Variants in GRAMD1B observed in about 807,000 individuals in gnomAD.
GRAMD1B encodes GRAM domain containing 1B.
In GRAMD1B, 37 loss-of-function variants were observed where a neutral mutation model predicts 99.7. The observed-to-expected ratio is 0.37, with a 90% CI of 0.29 to 0.49. GRAMD1B has a LOEUF of 0.49. Among genes scored for constraint, GRAMD1B ranks in the 20% least tolerant of loss-of-function variants. GRAMD1B has a pLI of 0.98. For missense variants in GRAMD1B, 888 were observed against 1,009.2 expected, an observed-to-expected ratio of 0.88 and a Z score of 1.63; for synonymous variants, 427 against 387.6, an observed-to-expected ratio of 1.10 and a Z score of -1.19.
At chr11:123,528,651 T>G (rs907937856) in intron 2 of GRAMD1B, among the ~76,000 whole-genome samples, 3 of 152,170 alleles carry the variant, frequency 2.0e-5, no homozygotes, top group Non-Finnish European at 4.4e-5. Context: ...TCTTCTCTAG[T>G]ATAATTTCCG....
chr11:123,492,792 G>A lies in GRAMD1B; in HGVS notation c.452+11899G>A, dbSNP rs1478873675. Among the ~76,000 whole-genome samples the A allele has an allele frequency of 6.6e-6, 1 of 151,632 alleles. No individual in the cohort carries two copies. Among genetic ancestry groups the A allele is most frequent in the Non-Finnish European group, 1.5e-5 (1 of 67,960 alleles). ...AAGAGGGGCCAAATGGATTTCAGAG[G>A]TAGGGAGAGGCTAGAGGCAGTAGGT... is the stretch of plus-strand genomic sequence containing the variant. On this transcript the variant is annotated intron_variant, in intron 2 of 19. Transcript: ENST00000635736. The surrounding 1 kb of genome is among the most constrained non-coding windows in gnomAD (Gnocchi z 4.2).
At chr11:123,530,158 C>T (rs1314054698) in intron 2 of GRAMD1B, among the ~76,000 whole-genome samples, 1 of 151,538 alleles carries the variant, frequency 6.6e-6, no homozygotes, top group Admixed American at 6.6e-5. Context: ...CACTGTGTGA[C>T]AGAACCTACT....
chr11:123,453,173 T>TA (rs1316923794), intron 1 of GRAMD1B, among the ~76,000 whole-genome samples: 2 of 152,082 alleles, frequency 1.3e-5, no homozygotes, highest in African/African-American at 4.8e-5. Context: ...AGTGTGCAAA[T>TA]AACTCCAAAC....
intron 3 of GRAMD1B, among the ~76,000 whole-genome samples, chr11:123,580,496 T>C (rs1456375922): frequency 6.6e-6 from 1 of 152,198 alleles, no homozygotes; most frequent in African/African-American, 2.4e-5. Flanking sequence ...AGCTGGCCAG[T>C]GCCTCTGCTT....
At chr11:123,463,462 A>C (rs1950530015) in intron 1 of GRAMD1B, among the ~76,000 whole-genome samples, 2 of 152,250 alleles carry the variant, frequency 1.3e-5, no homozygotes, top group African/African-American at 4.8e-5. Flanking sequence ...TATTAAATAC[A>C]ACATATTAGT....
rs935450358 is a variant in GRAMD1B at position 123,474,787 on chromosome 11, C to T, written c.375-6029C>T. On this transcript the variant is annotated intron_variant, in intron 1 of 19. Coordinates refer to ENST00000635736, the MANE Select transcript of GRAMD1B (RefSeq NM_001387025.1). Reference sequence around the variant, plus strand: ...AGAGCCTTTTGCAGCTTCTAATTAGCATGAGATAATTGATACTAACAGGAG... The same window carrying T: ...AGAGCCTTTTGCAGCTTCTAATTAGTATGAGATAATTGATACTAACAGGAG... Among the ~76,000 whole-genome samples, 3 of 152,250 alleles carry T rather than the reference C, an allele frequency of 2.0e-5. No homozygotes were observed. In the East Asian group the frequency reaches 5.8e-4, roughly 29 times the overall value.
intron 1 of GRAMD1B, among the ~76,000 whole-genome samples, chr11:123,471,130 A>G (rs1173285997): frequency 6.6e-6 from 1 of 152,212 alleles, no homozygotes; most frequent in Non-Finnish European, 1.5e-5. Flanking sequence ...TCACAAAGAG[A>G]TGAATTGCAG....
At chr11:123,463,292 C>A (rs1555126180) in intron 1 of GRAMD1B, among the ~76,000 whole-genome samples, 1 of 152,238 alleles carries the variant, frequency 6.6e-6, no homozygotes, top group Non-Finnish European at 1.5e-5. Flanking sequence ...GGATTACAGG[C>A]ATGAGCCACC....
intron 4 of GRAMD1B, among the ~76,000 whole-genome samples, chr11:123,589,925 G>A (rs1433921994): frequency 6.6e-6 from 1 of 152,090 alleles, no homozygotes; most frequent in Non-Finnish European, 1.5e-5. Flanking sequence ...GGAGAGTGAG[G>A]GAGCAGCCCC....
chr11:123,606,604 T>A lies in GRAMD1B; in HGVS notation c.1324-5T>A. On this transcript the variant is annotated splice_polypyrimidine_tract_variant and splice_region_variant and intron_variant, in intron 10 of 19. Coordinates refer to ENST00000635736, the MANE Select transcript of GRAMD1B (RefSeq NM_001387025.1). ...TGGTGGGTGACTCCTCTGTCTTGGC[T>A]CCAGTTTGATGGGCTGCCCCTGGAG... 1 of 1,607,178 alleles carries A rather than the reference T, an allele frequency of 6.2e-7. No individual in the cohort carries two copies. Among genetic ancestry groups the A allele is most frequent in the South Asian group, 1.1e-5 (1 of 89,208 alleles).
chr11:123,618,390 A>C, intron 17 of GRAMD1B: 1 of 1,599,014 alleles, frequency 6.3e-7, no homozygotes, highest in African/African-American at 1.4e-5. Flanking sequence ...TTACCCCCTC[A>C]TCTCTTTTCC....
intron 2 of GRAMD1B, among the ~76,000 whole-genome samples, chr11:123,558,015 G>C (rs1350058665): frequency 8.1e-6 from 1 of 123,352 alleles, no homozygotes; most frequent in Non-Finnish European, 1.6e-5. Context: ...GCAGAGTCTT[G>C]CTCTGTCGCC....
At chr11:123,409,438 C>A (rs531946574) in intron 1 of GRAMD1B, among the ~76,000 whole-genome samples, 1 of 152,158 alleles carries the variant, frequency 6.6e-6, no homozygotes, top group African/African-American at 2.4e-5. Flanking sequence ...CTAAAATGCC[C>A]CACTCTTGCT....
chr11:123,512,703 C>CTTTTTTTT (rs766565214), intron 2 of GRAMD1B, among the ~76,000 whole-genome samples: 11 of 103,010 alleles, frequency 1.1e-4, no homozygotes, highest in African/African-American at 1.5e-4. Flanking sequence ...CATTGTGAAT[C>CTTTTTTTT]TTTTTTTTTT....
intron 18 of GRAMD1B, 88 bp from the exon 19 acceptor site, chr11:123,619,019 A>G: frequency 1.3e-6 from 1 of 753,298 alleles, no homozygotes; most frequent in Non-Finnish European, 2.2e-6. Context: ...CTCTGATGTG[A>G]CTCTCTGTCC....
chr11:123,531,679 T>A (rs2135551311), intron 2 of GRAMD1B, among the ~76,000 whole-genome samples: 1 of 151,000 alleles, frequency 6.6e-6, no homozygotes, highest in South Asian at 2.1e-4. Context: ...ATTTGTCCCC[T>A]AAATGAGTTA....
chr11:123,579,547 T>C (rs564317754), intron 3 of GRAMD1B, among the ~76,000 whole-genome samples: 1 of 152,220 alleles, frequency 6.6e-6, no homozygotes, highest in Non-Finnish European at 1.5e-5. Context: ...TGCAGGCATA[T>C]CTGATATCTG....
intron 1 of GRAMD1B, among the ~76,000 whole-genome samples, chr11:123,451,858 T>C (rs1215671743): frequency 6.6e-6 from 1 of 152,166 alleles, no homozygotes; most frequent in African/African-American, 2.4e-5. Flanking sequence ...TATGTATGTA[T>C]GGTGGTGTTC....
intron 2 of GRAMD1B, among the ~76,000 whole-genome samples, chr11:123,561,920 A>G (rs1410625792): frequency 6.6e-6 from 1 of 152,230 alleles, no homozygotes; most frequent in Non-Finnish European, 1.5e-5. Flanking sequence ...ATGATTAAAA[A>G]GTAGTGCCCC....
Sources: allele counts gnomAD v4.1 joint callset (sites outside exome capture counted in the v4.1 genomes callset), GRCh38; gene constraint gnomAD v4.1.1; non-coding constraint Gnocchi (gnomAD v3.1); transcripts MANE v1.5; gene names NCBI Gene and HGNC (gene_info 2026-07-23, HGNC 2026-07-21).